The following PPM1E variants were observed in gnomAD, a reference collection of about 807,000 sequenced individuals.
The protein encoded by PPM1E is protein phosphatase 1E.
Under a neutral mutation model 65.9 loss-of-function variants are expected in PPM1E, and 20 were observed. The ratio of observed to expected loss-of-function variants is 0.30; its 90% confidence interval spans 0.21 to 0.44. The LOEUF is 0.44. Ranked by LOEUF, PPM1E falls within the 20% of genes least tolerant of loss-of-function variation. PPM1E has a pLI of 1.00. For synonymous variants in PPM1E, 352 were observed against 374.9 expected (o/e 0.94, Z 0.70); for missense variants, 713 against 953.1 (o/e 0.75, Z 3.32).
intron 1 of PPM1E, among the ~76,000 whole-genome samples, chr17:58,932,624 C>A (rs1382172739): frequency 6.6e-6 from 1 of 152,136 alleles, no homozygotes; most frequent in African/African-American, 2.4e-5. Context: ...TCCAGGATAT[C>A]ATTTTTATAC....
chr17:58,766,208 T>G (rs1017896707), intron 1 of PPM1E, among the ~76,000 whole-genome samples: 8 of 135,376 alleles, frequency 5.9e-5, no homozygotes, highest in Middle Eastern at 3.6e-3. Context: ...TTTTTTTTTT[T>G]TTTTTTTTTT....
rs553606798 is a variant in PPM1E, at chr17:58,852,601, G to GT, written c.464+96149dup. ...GACCATTTATGTATCTTCTTTTTTT[G>GT]TTTTTTTTTGTTTTTTTTTTTGAGA... On this transcript the variant is annotated intron_variant, in intron 1 of 6. Coordinates refer to ENST00000308249, the MANE Select transcript of PPM1E (RefSeq NM_014906.5). Among the ~76,000 whole-genome samples the GT allele has an allele frequency of 2.6e-3, 348 of 133,636 alleles. 2 individuals carry two copies. The highest frequency in any genetic ancestry group is 0.023 in the South Asian group (93 of 3,978). 87.7% of individuals were successfully genotyped at this position (133,636 alleles called of 152,430 possible).
chr17:58,964,588 T>G (rs2030153520), intron 2 of PPM1E, among the ~76,000 whole-genome samples: 1 of 152,066 alleles, frequency 6.6e-6, no homozygotes, highest in Non-Finnish European at 1.5e-5. Context: ...TTAGTATTGC[T>G]CCTCTGGCTG....
chr17:58,823,915 A>G (rs1430933363), intron 1 of PPM1E, among the ~76,000 whole-genome samples: 2 of 152,126 alleles, frequency 1.3e-5, no homozygotes, highest in African/African-American at 4.8e-5. Context: ...TATTTTTAGT[A>G]GAGACAGGGT....
At chr17:58,838,047 C>A (rs2050680828) in intron 1 of PPM1E, among the ~76,000 whole-genome samples, 2 of 152,164 alleles carry the variant, frequency 1.3e-5, no homozygotes, top group Non-Finnish European at 2.9e-5. Flanking sequence ...CAAAAACTAA[C>A]TTAAAATAGA....
intron 1 of PPM1E, among the ~76,000 whole-genome samples, chr17:58,775,951 A>G (rs963904031): frequency 4.4e-5 from 6 of 135,964 alleles, no homozygotes; most frequent in African/African-American, 1.6e-4. Context: ...AAAAAAAAAG[A>G]ATAGTTGGAT....
chr17:58,840,150 A>G (rs2050703566), intron 1 of PPM1E, among the ~76,000 whole-genome samples: 1 of 152,228 alleles, frequency 6.6e-6, no homozygotes, highest in Admixed American at 6.5e-5. Flanking sequence ...CTGCTGGACT[A>G]ATGGACAGTG....
intron 1 of PPM1E, among the ~76,000 whole-genome samples, chr17:58,782,814 G>T (rs2050063626): frequency 6.6e-6 from 1 of 151,964 alleles, no homozygotes; most frequent in South Asian, 2.1e-4. Flanking sequence ...CAGATGTGAG[G>T]AATATATTAA....
At chr17:58,835,823 C>G (rs965303897) in intron 1 of PPM1E, 5 of 151,838 alleles carry the variant, frequency 3.3e-5, no homozygotes, top group East Asian at 1.9e-4. Context: ...GAGCTATGAT[C>G]ATGCCACTGC....
At chr17:58,917,157 C>T (rs2051693453) in intron 1 of PPM1E, among the ~76,000 whole-genome samples, 1 of 151,588 alleles carries the variant, frequency 6.6e-6, no homozygotes, top group African/African-American at 2.4e-5. Flanking sequence ...TTGCAGTGAG[C>T]CGAGATTGCA....
chr17:58,811,151 C>T (rs1353519181), intron 1 of PPM1E, among the ~76,000 whole-genome samples: 1 of 152,170 alleles, frequency 6.6e-6, no homozygotes, highest in African/African-American at 2.4e-5. Context: ...AGTCACCTCA[C>T]CCAGCCTTGT....
chr17:58,776,880 G>C (rs982853702), intron 1 of PPM1E, among the ~76,000 whole-genome samples: 1 of 152,232 alleles, frequency 6.6e-6, no homozygotes, highest in East Asian at 1.9e-4. Context: ...ATAAGGGAGA[G>C]TTTAATGCTT....
At chr17:58,879,653 C>G (rs1046551164) in intron 1 of PPM1E, among the ~76,000 whole-genome samples, 2 of 151,672 alleles carry the variant, frequency 1.3e-5, no homozygotes, top group African/African-American at 4.8e-5. Flanking sequence ...GGACTACAGG[C>G]GCCCACCACC....
At chr17:58,973,223 C>T (rs567674092) in intron 6 of PPM1E, among the ~76,000 whole-genome samples, 17 of 152,042 alleles carry the variant, frequency 1.1e-4, no homozygotes, top group East Asian at 1.9e-4. Context: ...CAAGACCAGC[C>T]TGGCCAACAT....
chr17:58,879,354 C>G (rs552300999), intron 1 of PPM1E, among the ~76,000 whole-genome samples: 22 of 150,770 alleles, frequency 1.5e-4, no homozygotes, highest in Non-Finnish European at 1.8e-4. Context: ...TGATCAAACT[C>G]CTGGACTCAA....
At chr17:58,794,240 T>C (rs903997398) in intron 1 of PPM1E, among the ~76,000 whole-genome samples, 20 of 152,106 alleles carry the variant, frequency 1.3e-4, no homozygotes, top group Non-Finnish European at 2.5e-4. Flanking sequence ...CCACCATGCC[T>C]GGCCAATTTT....
intron 1 of PPM1E, among the ~76,000 whole-genome samples, chr17:58,794,888 CTTTT>C (rs35841208): frequency 4.6e-5 from 6 of 131,584 alleles, no homozygotes; most frequent in East Asian, 2.1e-4. Context: ...GTACATGTGT[CTTTT>C]TTTTTTTTTT....
intron 1 of PPM1E, among the ~76,000 whole-genome samples, chr17:58,885,449 G>A (rs777186776): frequency 4.6e-5 from 7 of 152,194 alleles, no homozygotes; most frequent in Admixed American, 3.3e-4. Flanking sequence ...ATGACCTTTG[G>A]TAGTTTGTGC....
At chr17:58,931,897 T>C (rs2051904800) in intron 1 of PPM1E, among the ~76,000 whole-genome samples, 1 of 152,146 alleles carries the variant, frequency 6.6e-6, no homozygotes, top group Admixed American at 6.5e-5. Flanking sequence ...GAGCATGCAA[T>C]CCATAAGATT....
Sources: allele counts gnomAD v4.1 joint callset (sites outside exome capture counted in the v4.1 genomes callset), GRCh38; gene constraint gnomAD v4.1.1; transcripts MANE v1.5; gene names NCBI Gene and HGNC (gene_info 2026-07-23, HGNC 2026-07-21).